Variants in COL3A1 observed in about 807,000 individuals in gnomAD.
The protein encoded by COL3A1 is collagen alpha-1(III) chain.
COL3A1 carries 46 observed loss-of-function variants against 200.9 expected under a neutral mutation model. The ratio of observed to expected loss-of-function variants is 0.23; its 90% confidence interval spans 0.18 to 0.29. COL3A1 has a LOEUF of 0.29. COL3A1 is among the 10% of genes least tolerant of loss of function. The pLI is 1.00. For synonymous variants in COL3A1, 650 were observed against 628.0 expected (o/e 1.03, Z -0.52); for missense variants, 1,367 against 1,917.6 (o/e 0.71, Z 5.36).
intron 45 of COL3A1, 111 bp from the exon 46 acceptor site, chr2:189,007,774 A>C: frequency 7.0e-7 from 1 of 1,428,610 alleles, no homozygotes; most frequent in Admixed American, 1.7e-5. Context: ...AGATTAAAGA[A>C]AGAAAAAAAA....
chr2:189,008,841 G>A, intron 47 of COL3A1, 83 bp from the exon 48 acceptor site: 1 of 1,395,470 alleles, frequency 7.2e-7, no homozygotes, highest in Non-Finnish European at 1.0e-6. Context: ...TTATTTTTAA[G>A]GCATTTTCTT....
intron 34 of COL3A1, 132 bp downstream of exon 34, chr2:189,001,721 A>C (rs913085702): frequency 7.0e-6 from 6 of 861,776 alleles, no homozygotes; most frequent in Non-Finnish European, 1.2e-5. Flanking sequence ...CAAAAACCAT[A>C]TAAGGAACCA....
intron 37 of COL3A1, 33 bp from the exon 38 acceptor site, chr2:189,003,701 T>C (rs1251893955): frequency 6.2e-7 from 1 of 1,611,622 alleles, no homozygotes; most frequent in African/African-American, 1.3e-5. Context: ...TTGTTCTACT[T>C]TTGAAATTCA....
chr2:188,995,533 T>C, intron 21 of COL3A1, 159 bp from the exon 22 acceptor site: 1 of 607,876 alleles, frequency 1.6e-6, no homozygotes, highest in East Asian at 2.8e-5. Context: ...AATATGGCAA[T>C]CCAAGCTAAG....
rs946270867 is a variant in COL3A1, at chr2:188,995,766, C to T, written c.1584C>T (p.Gly528=). 11 of 1,563,570 alleles carry T rather than the reference C, an allele frequency of 7.0e-6. No individual in the cohort carries two copies. Among genetic ancestry groups the T allele is most frequent in the African/African-American group, 2.7e-5 (2 of 73,538 alleles). ...CTGCTGGAGAACCTGGCAGAGATGG[C>T]GTCCCTGGAGGTCCAGGAATGAGGG... ...RGAAGEPGRD[G]VPGGPGMRGM... is the part of the protein sequence containing the mutation. Residue 528 remains glycine (G), a synonymous_variant, in exon 22 of 51, where the codon GGC becomes GGT. Transcript: ENST00000304636.
chr2:189,001,359 G>A (rs778621917), intron 32 of COL3A1, 38 bp from the exon 33 acceptor site: 3 of 1,583,046 alleles, frequency 1.9e-6, no homozygotes, highest in Admixed American at 1.7e-5. Flanking sequence ...AACGATATTT[G>A]TATCTTCAAA....
At position 188,987,060 on chromosome 2, in the gene COL3A1, A is replaced by T; in HGVS notation, c.449A>T (p.Asn150Ile). ...ICESCPTGPQNYSPQYDSYDV... is the reference protein window; with the variant it reads ...ICESCPTGPQIYSPQYDSYDV... ...TATCTATTTGTCTCCTTGCCACAGAACTATTCTCCCCAGTATGATTCATAT... is the reference window on the plus strand; with the variant it reads ...TATCTATTTGTCTCCTTGCCACAGATCTATTCTCCCCAGTATGATTCATAT... Residue 150 changes from asparagine to isoleucine, a missense_variant and splice_region_variant, in exon 5 of 51, where the codon AAC becomes ATC. Asn to Ile is a moderately radical substitution (Grantham distance 149, BLOSUM62 -3). Coordinates refer to ENST00000304636, the MANE Select transcript of COL3A1 (RefSeq NM_000090.4). The T allele has an allele frequency of 6.2e-7, 1 of 1,612,088 alleles. No individual in the cohort carries two copies. The highest frequency in any genetic ancestry group is 8.5e-7 in the Non-Finnish European group (1 of 1,178,444).
chr2:188,992,927 C>T lies in COL3A1; in HGVS notation c.1037C>T (p.Ser346Phe), dbSNP rs1480569250. The T allele has an allele frequency of 6.2e-7, 1 of 1,613,706 alleles. No homozygotes were observed. Among genetic ancestry groups the T allele is most frequent in the African/African-American group, 1.3e-5 (1 of 74,894 alleles). Residue 346 changes from serine (S) to phenylalanine (F), a missense_variant, in exon 15 of 51, where the codon TCC becomes TTC. By Grantham distance (155) the Ser-to-Phe change is radical. Around this residue, in one of 5 missense-constraint regions of COL3A1, gnomAD observed 462 missense variants for 681.4 expected, o/e 0.68. Coordinates refer to ENST00000304636, the MANE Select transcript of COL3A1 (RefSeq NM_000090.4). ...GPPGTAGFPG[S>F]PGAKGEVGPA... ...CCTGGAACTGCCGGATTCCCTGGAT[C>T]CCCTGGTGCTAAGGTAAACATGTGT...
chr2:188,997,284 T>TTCTC (rs1688349083), intron 25 of COL3A1, 52 bp from the exon 26 acceptor site: 14 of 1,612,804 alleles, frequency 8.7e-6, no homozygotes, highest in Non-Finnish European at 1.2e-5. Flanking sequence ...ACCTTCTGAC[T>TTCTC]TCTCTCTGTA....
chr2:188,991,854 G>T lies in COL3A1; in HGVS notation c.951+132G>T. The stretch of plus-strand genomic sequence containing the variant: ...ACAAAATTATACTCAATGATACTGT[G>T]ATAAAGTTTTGGCTATAGTTAAAAG... On this transcript the variant is annotated intron_variant, in intron 13 of 50. Transcript: ENST00000304636. 3 of 912,106 alleles carry T rather than the reference G, an allele frequency of 3.3e-6. No individual in the cohort carries two copies. In the East Asian group the frequency reaches 7.3e-5, roughly 22 times the overall value. 56.5% of individuals were successfully genotyped at this position (912,106 alleles called of 1,614,324 possible). A position where few individuals can be genotyped will look rare whatever the true frequency, so the allele number is the denominator to read the frequency against.
rs1276760465 is a variant in COL3A1, at chr2:188,991,620, T to G, written c.898-49T>G. 1.7e-5 allele frequency: 28 copies of G among 1,611,650 alleles called. No homozygotes were observed. In the Admixed American group the frequency reaches 4.5e-4, roughly 26 times the overall value. On this transcript the variant is annotated intron_variant, in intron 12 of 50. Transcript: ENST00000304636. ...GCTTTGCTCCCACCCCAACTGTTCT[T>G]ACACATGTCAAGATTAGAGTAAAAC...
chr2:188,978,789 T>TA (rs1431809230), intron 1 of COL3A1, among the ~76,000 whole-genome samples: 54 of 142,340 alleles, frequency 3.8e-4, no homozygotes, highest in Middle Eastern at 3.6e-3. Flanking sequence ...TCATATAGTG[T>TA]AAAAAAAAAC....
rs994058705 is a variant in COL3A1, at chr2:188,983,040, G to A, written c.80-1720G>A. Among the ~76,000 whole-genome samples the A allele has an allele frequency of 3.3e-5, 5 of 151,702 alleles. No individual in the cohort carries two copies. In the South Asian group the frequency reaches 8.3e-4, roughly 25 times the overall value. ...TATTTTCCGTAACACCATTCAAATA[G>A]GCCTACTTCATTTCCACTGAGATAA... On this transcript the variant is annotated intron_variant, in intron 1 of 50. Transcript: ENST00000304636.
intron 44 of COL3A1, among the ~76,000 whole-genome samples, 171 bp downstream of exon 44, chr2:189,007,161 T>TGATAGATAGATAGATA (rs60243485): frequency 8.6e-6 from 1 of 116,318 alleles, no homozygotes; most frequent in Non-Finnish European, 1.7e-5. Flanking sequence ...TATAGATAGA[T>TGATAGATAGATAGATA]GATAGATAGA....
intron 31 of COL3A1, 36 bp from the exon 32 acceptor site, chr2:188,999,806 A>T (rs1465311903): frequency 1.9e-6 from 3 of 1,578,826 alleles, no homozygotes; most frequent in Non-Finnish European, 2.6e-6. Context: ...CACTGAAGAT[A>T]CTTTGAATCT....
At chr2:188,996,946 G>A (rs1454269262) in intron 24 of COL3A1, among the ~76,000 whole-genome samples, 9 of 151,994 alleles carry the variant, frequency 5.9e-5, no homozygotes, top group South Asian at 2.1e-4. Flanking sequence ...CCAAGATTGC[G>A]CCACTGCACT....
At chr2:188,988,775 G>A in intron 7 of COL3A1, 132 bp downstream of exon 7, 1 of 651,328 alleles carries the variant, frequency 1.5e-6, no homozygotes, top group Non-Finnish European at 2.7e-6. Context: ...ATAACGAATA[G>A]CATTTTATTG....
Position 189,006,210 on chromosome 2 carries a change from A to T in COL3A1, c.3044A>T (p.Asn1015Ile), listed in dbSNP as rs1064796863. 1 of 1,614,074 alleles carries T rather than the reference A, an allele frequency of 6.2e-7. No homozygotes were observed. The highest frequency in any genetic ancestry group is 2.2e-5 in the East Asian group (1 of 44,892). Residue 1015 changes from asparagine to isoleucine, a missense_variant, in exon 42 of 51, where the codon AAC becomes ATC. This residue lies in a region of COL3A1 where 846 missense variants were observed against 1,147.9 expected (regional missense o/e 0.74). Transcript: ENST00000304636. ...CCTTTCTCATTTTTTAATCAGGGAA[A>T]CCCTGGATCAGATGGTCTTCCAGGC... ...GTAGEPGRDGNPGSDGLPGRD... is the reference protein window; with the variant it reads ...GTAGEPGRDGIPGSDGLPGRD...
At chr2:189,008,623 A>G (rs2153504042) in intron 47 of COL3A1, 1 of 491,188 alleles carries the variant, frequency 2.0e-6, no homozygotes, top group Middle Eastern at 5.5e-4. Context: ...CAATATTGGA[A>G]TTGTAGCTCA....
Sources: gnomAD v4.1 joint callset for allele counts (sites outside exome capture counted in the v4.1 genomes callset) on GRCh38, gnomAD v4.1.1 for gene constraint, gnomAD v4.1.1 regional missense constraint, MANE v1.5 for transcripts, NCBI Gene and HGNC (gene_info 2026-07-23, HGNC 2026-07-21) for gene names.